The following RALGPS1 variants were observed in gnomAD, a reference collection of about 807,000 sequenced individuals.
RALGPS1 encodes ras-specific guanine nucleotide-releasing factor RalGPS1.
In RALGPS1, 19 loss-of-function variants were observed where a neutral mutation model predicts 78.8. That is an observed-to-expected ratio of 0.24 (90% confidence interval 0.17 to 0.35). RALGPS1 has a LOEUF of 0.35. Among genes scored for constraint, RALGPS1 ranks in the 10% least tolerant of loss-of-function variants. RALGPS1 has a pLI of 1.00. For synonymous variants in RALGPS1, 228 were observed against 256.3 expected (o/e 0.89, Z 1.06); for missense variants, 454 against 688.3 (o/e 0.66, Z 3.81).
At chr9:126,973,174 C>T (rs1226917410) in intron 3 of RALGPS1, among the ~76,000 whole-genome samples, 1 of 151,946 alleles carries the variant, frequency 6.6e-6, no homozygotes, top group Non-Finnish European at 1.5e-5. Context: ...TAGAGATCAG[C>T]CTGGGCAACA....
chr9:126,974,250 C>A (rs1330332398), intron 3 of RALGPS1, among the ~76,000 whole-genome samples: 1 of 152,136 alleles, frequency 6.6e-6, no homozygotes, highest in Non-Finnish European at 1.5e-5. Context: ...TCAAAAGGAA[C>A]AGAACAGTTC....
Position 127,028,803 on chromosome 9 carries a change from C to T in RALGPS1, c.217-5628C>T, listed in dbSNP as rs184335565. On this transcript the variant is annotated intron_variant, in intron 4 of 18. Transcript: ENST00000259351. ...AGGTGCTATTATTAATGCCATTTTT[C>T]AGATGCAGAAAGTCAGGCACTGAGA... Among the ~76,000 whole-genome samples, 6 of 152,298 alleles carry T rather than the reference C, an allele frequency of 3.9e-5. No individual in the cohort carries two copies. In the East Asian group the frequency reaches 1.2e-3, roughly 29 times the overall value.
chr9:127,140,154 C>G (rs2057671256), intron 8 of RALGPS1, among the ~76,000 whole-genome samples: 1 of 152,158 alleles, frequency 6.6e-6, no homozygotes, highest in South Asian at 2.1e-4. Flanking sequence ...CTTGTTAGGG[C>G]CAACTCCTCT....
chr9:126,958,162 C>A (rs56069524), intron 1 of RALGPS1, among the ~76,000 whole-genome samples: 2 of 98,048 alleles, frequency 2.0e-5, no homozygotes, highest in East Asian at 4.1e-4. Flanking sequence ...TATATATACA[C>A]ACACACACAC....
At position 127,050,108 on chromosome 9, in the gene RALGPS1, C is replaced by T. The variant is rs2048167376; in HGVS notation, c.366C>T (p.Leu122=). The T allele has an allele frequency of 6.2e-7, 1 of 1,613,858 alleles. No homozygotes were observed. Among genetic ancestry groups the T allele is most frequent in the Non-Finnish European group, 8.5e-7 (1 of 1,179,718 alleles). Residue 122 remains leucine (L), a synonymous_variant, in exon 6 of 19, where the codon CTC becomes CTT. Coordinates refer to ENST00000259351, the MANE Select transcript of RALGPS1 (RefSeq NM_014636.3). Reference sequence around the variant, plus strand: ...CTTTAAAAATAAGGGCAGAAATCCTCAGCCATTTTGTGAAAATAGCCAAGG... The same window carrying T: ...CTTTAAAAATAAGGGCAGAAATCCTTAGCCATTTTGTGAAAATAGCCAAGG... ...AQTLKIRAEI[L]SHFVKIAKKL... is the part of the protein sequence containing the mutation.
intron 8 of RALGPS1, among the ~76,000 whole-genome samples, chr9:127,137,911 G>C (rs144415808): frequency 9.8e-5 from 15 of 152,310 alleles, no homozygotes; most frequent in African/African-American, 3.1e-4. Context: ...ATCTGTAAAT[G>C]GGGTCCAGGG....
intron 3 of RALGPS1, among the ~76,000 whole-genome samples, chr9:126,975,959 A>C (rs1371911808): frequency 6.6e-6 from 1 of 152,094 alleles, no homozygotes; most frequent in Admixed American, 6.6e-5. Context: ...GGAGAGTACA[A>C]AGAGGCTCTC....
At chr9:127,178,517 A>C in intron 11 of RALGPS1, 1 of 985,380 alleles carries the variant, frequency 1.0e-6, no homozygotes. Context: ...CATAATTGTC[A>C]TATTGTGATT....
chr9:127,166,825 G>A (rs2059316714), intron 9 of RALGPS1, among the ~76,000 whole-genome samples: 1 of 152,190 alleles, frequency 6.6e-6, no homozygotes, highest in Non-Finnish European at 1.5e-5. Context: ...CCATGATGGT[G>A]GGGTGTGTAA....
chr9:127,090,396 C>T (rs1348254143), intron 8 of RALGPS1, among the ~76,000 whole-genome samples: 2 of 152,234 alleles, frequency 1.3e-5, no homozygotes, highest in Non-Finnish European at 2.9e-5. Flanking sequence ...CCTCGGCAGC[C>T]CCTACTGCTT....
intron 7 of RALGPS1, among the ~76,000 whole-genome samples, chr9:127,059,004 G>A (rs1213036605): frequency 6.6e-6 from 1 of 152,104 alleles, no homozygotes; most frequent in Non-Finnish European, 1.5e-5. Context: ...AACTATCCTG[G>A]GAGTGGGGCT....
intron 8 of RALGPS1, among the ~76,000 whole-genome samples, chr9:127,075,660 AGGC>A (rs1187069935): frequency 6.6e-6 from 1 of 152,264 alleles, no homozygotes; most frequent in East Asian, 1.9e-4. Context: ...GGGTGAGAGG[AGGC>A]TGTTTTTCTG....
intron 1 of RALGPS1, among the ~76,000 whole-genome samples, chr9:126,946,175 G>A (rs1263062985): frequency 6.6e-6 from 1 of 152,074 alleles, no homozygotes; most frequent in Non-Finnish European, 1.5e-5. Context: ...GCCCAGGACA[G>A]AGACAGTACC....
In RALGPS1 at chr9:127,015,371, C is replaced by T. The variant is rs10987542; in HGVS notation, c.217-19060C>T. Reference sequence around the variant, plus strand: ...TCAGGGTGCCATTGTTAAAAAATTACGGAGCATAATGTGAGAAAAGTATTT... The same window carrying T: ...TCAGGGTGCCATTGTTAAAAAATTATGGAGCATAATGTGAGAAAAGTATTT... On this transcript the variant is annotated intron_variant, in intron 4 of 18. Transcript: ENST00000259351. Among the ~76,000 whole-genome samples, 198 of 152,280 alleles carry T rather than the reference C, an allele frequency of 1.3e-3. 4 individuals carry two copies. The highest frequency in any genetic ancestry group is 0.011 in the Admixed American group (173 of 15,304).
intron 4 of RALGPS1, among the ~76,000 whole-genome samples, chr9:127,009,391 A>G (rs1037917519): frequency 1.3e-5 from 2 of 152,138 alleles, no homozygotes; most frequent in African/African-American, 4.8e-5. Flanking sequence ...GTGGCCCAAC[A>G]CACATCCTCC....
At chr9:127,076,442 G>C (rs996258780) in intron 8 of RALGPS1, among the ~76,000 whole-genome samples, 2 of 152,184 alleles carry the variant, frequency 1.3e-5, no homozygotes, top group African/African-American at 4.8e-5. Flanking sequence ...GACATTCTTA[G>C]TAAATTTACC....
At chr9:127,129,316 T>A (rs1257528237) in intron 8 of RALGPS1, among the ~76,000 whole-genome samples, 1 of 152,154 alleles carries the variant, frequency 6.6e-6, no homozygotes, top group African/African-American at 2.4e-5. Context: ...TCCAAAGCTG[T>A]TTAAAATAAT....
intron 4 of RALGPS1, chr9:126,989,968 T>C: frequency 1.3e-6 from 2 of 1,550,518 alleles, no homozygotes; most frequent in South Asian, 2.4e-5. Context: ...CACGTTGCAG[T>C]TCAGGAAAAC....
At chr9:127,184,326 A>AC in intron 11 of RALGPS1, 1 of 343,696 alleles carries the variant, frequency 2.9e-6, no homozygotes. Context: ...TCTCAGGAAA[A>AC]AAAAAAAAAA....
Sources: gnomAD v4.1 joint callset for allele counts (sites outside exome capture counted in the v4.1 genomes callset) on GRCh38, gnomAD v4.1.1 for gene constraint, MANE v1.5 for transcripts, NCBI Gene and HGNC (gene_info 2026-07-23, HGNC 2026-07-21) for gene names.